The following SNX3 variants were observed in gnomAD, a reference collection of about 807,000 sequenced individuals.
SNX3 encodes sorting nexin 3.
In SNX3, 5 loss-of-function variants were observed where a neutral mutation model predicts 17.7. That is an observed-to-expected ratio of 0.28 (90% CI 0.15 to 0.59). SNX3 has a LOEUF of 0.59. Ranked by LOEUF, SNX3 falls within the 20% of genes least tolerant of loss-of-function variation. The pLI is 0.88. For synonymous variants in SNX3, 91 were observed against 76.5 expected, an observed-to-expected ratio of 1.19 and a Z score of -0.99; for missense variants, 132 against 206.8, an observed-to-expected ratio of 0.64 and a Z score of 2.22.
intron 1 of SNX3, among the ~76,000 whole-genome samples, chr6:108,246,504 AT>A (rs1327316743): frequency 7.4e-6 from 1 of 135,342 alleles, no homozygotes; most frequent in East Asian, 2.2e-4. Context: ...TTTTTTTTGT[AT>A]TTTTAGTAGA....
chr6:108,252,125 GA>G (rs1775882854), intron 1 of SNX3: 1 of 151,054 alleles, frequency 6.6e-6, no homozygotes. Context: ...AACTTTGGTT[GA>G]AAGCTTTGTC....
At chr6:108,253,689 C>T (rs774895611) in intron 1 of SNX3, among the ~76,000 whole-genome samples, 1 of 151,986 alleles carries the variant, frequency 6.6e-6, no homozygotes, top group Non-Finnish European at 1.5e-5. Context: ...TTTTTAATCC[C>T]ATCAAAGCTA....
intron 1 of SNX3, among the ~76,000 whole-genome samples, chr6:108,234,279 G>A (rs1215496929): frequency 2.0e-5 from 3 of 150,678 alleles, no homozygotes; most frequent in Non-Finnish European, 4.4e-5. Flanking sequence ...ACAGCTGGGT[G>A]CAGTGGCTCA....
chr6:108,222,458 C>A, intron 2 of SNX3: 1 of 750,004 alleles, frequency 1.3e-6, no homozygotes, highest in Non-Finnish European at 1.9e-6. Flanking sequence ...TGGATCATGG[C>A]CATCATTTAA....
At chr6:108,227,185 C>A (rs1774999618) in intron 1 of SNX3, among the ~76,000 whole-genome samples, 1 of 152,130 alleles carries the variant, frequency 6.6e-6, no homozygotes, top group Non-Finnish European at 1.5e-5. Context: ...TTTGTAAATG[C>A]CTTAAAGATA....
intron 1 of SNX3, among the ~76,000 whole-genome samples, chr6:108,246,447 C>T (rs772661849): frequency 1.9e-4 from 29 of 150,260 alleles, no homozygotes; most frequent in Non-Finnish European, 4.1e-4. Flanking sequence ...GCCTCAGCCT[C>T]CCGACTAGCT....
intron 1 of SNX3, among the ~76,000 whole-genome samples, chr6:108,258,348 C>CA (rs1776090194): frequency 1.3e-5 from 2 of 151,826 alleles, no homozygotes; most frequent in Non-Finnish European, 2.9e-5. Context: ...ATCCCAGCTA[C>CA]TCAGGAGGCT....
chr6:108,256,266 A>G (rs1218870837), intron 1 of SNX3, among the ~76,000 whole-genome samples: 3 of 152,226 alleles, frequency 2.0e-5, no homozygotes, highest in African/African-American at 4.8e-5. Flanking sequence ...TTACTTGGTT[A>G]AGTACCAAAT....
chr6:108,229,702 T>C (rs1049758186), intron 1 of SNX3, among the ~76,000 whole-genome samples: 1 of 152,210 alleles, frequency 6.6e-6, no homozygotes, highest in African/African-American at 2.4e-5. Flanking sequence ...AGCCATACTA[T>C]AAGACAGCTG....
In SNX3 at chr6:108,260,879, G is replaced by T. The variant is rs1214547916; in HGVS notation, c.43C>A (p.Pro15Thr). The change falls in exon 1 of 4, where the codon CCG (proline) becomes ACG (threonine). Residue 15 changes from proline to threonine, a missense_variant. This residue lies in a region of SNX3 where 78 missense variants were observed against 88.8 expected (regional missense o/e 0.88). Transcript: ENST00000230085. ...VADTRRLITK[P>T]QNLNDAYGPP... The stretch of plus-strand genomic sequence containing the variant: ...CCGTAGGCGTCATTCAGGTTCTGCG[G>T]CTTGGTGATCAGCCGCCGGGTGTCA... 1.9e-6 allele frequency: 3 copies of T among 1,611,410 alleles called. No individual in the cohort carries two copies. The highest frequency in any genetic ancestry group is 1.3e-5 in the African/African-American group (1 of 74,608).
chr6:108,257,566 C>T (rs1335861071), intron 1 of SNX3, among the ~76,000 whole-genome samples: 2 of 152,130 alleles, frequency 1.3e-5, no homozygotes. Flanking sequence ...GCCACTCTGC[C>T]TTAATGCAAG....
At chr6:108,226,467 T>G (rs1774977364) in intron 1 of SNX3, among the ~76,000 whole-genome samples, 1 of 152,242 alleles carries the variant, frequency 6.6e-6, no homozygotes, top group African/African-American at 2.4e-5. Context: ...CCAAAAATAC[T>G]ACTCAACACT....
chr6:108,260,556 T>G (rs571060740), intron 1 of SNX3, among the ~76,000 whole-genome samples: 2 of 152,268 alleles, frequency 1.3e-5, no homozygotes, highest in East Asian at 3.9e-4. Flanking sequence ...CTTCTCCAAG[T>G]GCCAGCGCGC....
intron 3 of SNX3, among the ~76,000 whole-genome samples, chr6:108,212,938 AGTGCAGT>A (rs966337161): frequency 9.9e-5 from 14 of 141,944 alleles, no homozygotes; most frequent in Non-Finnish European, 2.0e-4. Flanking sequence ...CCCAGGCTAG[AGTGCAGT>A]GGTGTGATCT....
intron 1 of SNX3, among the ~76,000 whole-genome samples, chr6:108,244,997 G>A (rs996306001): frequency 4.6e-5 from 7 of 152,036 alleles, no homozygotes; most frequent in Non-Finnish European, 8.8e-5. Flanking sequence ...AAACGTGCAG[G>A]TTTGTTACAT....
chr6:108,225,180 G>C (rs1252432928), intron 1 of SNX3, among the ~76,000 whole-genome samples: 3 of 152,222 alleles, frequency 2.0e-5, no homozygotes, highest in Admixed American at 6.5e-5. Context: ...TACTCAGGAG[G>C]CTGAGGCAGG....
intron 1 of SNX3, among the ~76,000 whole-genome samples, chr6:108,257,178 G>A (rs749178229): frequency 6.6e-6 from 1 of 152,164 alleles, no homozygotes; most frequent in Non-Finnish European, 1.5e-5. Flanking sequence ...ACAGCAAAAG[G>A]TAGTCAGTAG....
chr6:108,255,558 C>A (rs1776004545), intron 1 of SNX3, among the ~76,000 whole-genome samples: 1 of 152,136 alleles, frequency 6.6e-6, no homozygotes, highest in Non-Finnish European at 1.5e-5. Flanking sequence ...CACTGCGTTG[C>A]CCAGGCTGTG....
chr6:108,214,781 A>G (rs1404302812), intron 2 of SNX3, among the ~76,000 whole-genome samples, 159 bp from the exon 3 acceptor site: 2 of 152,204 alleles, frequency 1.3e-5, no homozygotes, highest in East Asian at 3.8e-4. Flanking sequence ...AAAAAGACCA[A>G]ATGTTTAGAC....
Sources: gnomAD v4.1 joint callset for allele counts (sites outside exome capture counted in the v4.1 genomes callset) on GRCh38, gnomAD v4.1.1 for gene constraint, gnomAD v4.1.1 regional missense constraint, MANE v1.5 for transcripts, NCBI Gene and HGNC (gene_info 2026-07-23, HGNC 2026-07-21) for gene names.